Variants in SH2D4A observed in about 807,000 individuals in gnomAD.
SH2D4A encodes SH2 domain-containing protein 4A.
Under a neutral mutation model 64.7 loss-of-function variants are expected in SH2D4A, and 70 were observed. That is an observed-to-expected ratio of 1.08 (90% CI 0.89 to 1.32). SH2D4A has a LOEUF of 1.32. Among genes scored for constraint, SH2D4A ranks in the 40% most tolerant of loss-of-function variants. The pLI, the probability that SH2D4A is intolerant of heterozygous loss-of-function variation, is 0.00. For synonymous variants in SH2D4A, 268 were observed against 200.7 expected, an observed-to-expected ratio of 1.34 and a Z score of -2.83; for missense variants, 706 against 540.1, an observed-to-expected ratio of 1.31 and a Z score of -3.04.
At chr8:19,356,489 G>C (rs538240844) in intron 4 of SH2D4A, among the ~76,000 whole-genome samples, 1 of 152,294 alleles carries the variant, frequency 6.6e-6, no homozygotes, top group South Asian at 2.1e-4. Flanking sequence ...CTTAGCTTAG[G>C]CTCTGCACTC....
intron 8 of SH2D4A, 67 bp from the exon 9 acceptor site, chr8:19,393,251 G>T: frequency 6.9e-7 from 1 of 1,443,258 alleles, no homozygotes; most frequent in South Asian, 1.1e-5. Flanking sequence ...CATGCAGCTG[G>T]ATTTAACAGA....
intron 2 of SH2D4A, among the ~76,000 whole-genome samples, chr8:19,329,480 G>T (rs2052336907): frequency 6.6e-6 from 1 of 152,148 alleles, no homozygotes; most frequent in Non-Finnish European, 1.5e-5. Context: ...CTACTAGAAT[G>T]TTAGTCTCCT....
intron 8 of SH2D4A, among the ~76,000 whole-genome samples, chr8:19,385,220 T>A (rs753636090): frequency 6.6e-6 from 1 of 151,826 alleles, no homozygotes; most frequent in African/African-American, 2.4e-5. Flanking sequence ...TTTGTTTTTT[T>A]TTTTTTTGAG....
intron 2 of SH2D4A, among the ~76,000 whole-genome samples, chr8:19,326,727 G>A (rs980911802): frequency 1.1e-4 from 17 of 152,052 alleles, no homozygotes; most frequent in Admixed American, 2.0e-4. Flanking sequence ...TCGCACACAC[G>A]TCTTTTACTG....
At chr8:19,377,826 A>G (rs2053221698) in intron 8 of SH2D4A, among the ~76,000 whole-genome samples, 1 of 152,168 alleles carries the variant, frequency 6.6e-6, no homozygotes, top group Admixed American at 6.5e-5. Flanking sequence ...CAGAGTATAT[A>G]TCTAGAATCA....
At chr8:19,340,326 C>A (rs1020689208) in intron 4 of SH2D4A, among the ~76,000 whole-genome samples, 2 of 152,078 alleles carry the variant, frequency 1.3e-5, no homozygotes, top group African/African-American at 4.8e-5. Context: ...CAGTGATTAT[C>A]GAGCAAAGGG....
At chr8:19,323,847 T>C (rs1383638083) in intron 2 of SH2D4A, among the ~76,000 whole-genome samples, 1 of 152,224 alleles carries the variant, frequency 6.6e-6, no homozygotes, top group East Asian at 1.9e-4. Context: ...TAATCACAGC[T>C]AAGCCTGAAG....
intron 4 of SH2D4A, among the ~76,000 whole-genome samples, chr8:19,337,733 C>T (rs2052466150): frequency 6.6e-6 from 1 of 152,174 alleles, no homozygotes; most frequent in South Asian, 2.1e-4. Flanking sequence ...GGGAAATTCC[C>T]ATTTATAAAA....
chr8:19,383,958 G>C (rs1394822719), intron 8 of SH2D4A, among the ~76,000 whole-genome samples: 1 of 152,180 alleles, frequency 6.6e-6, no homozygotes, highest in Non-Finnish European at 1.5e-5. Flanking sequence ...TAAATCAGCT[G>C]ATATGTAAAG....
intron 3 of SH2D4A, among the ~76,000 whole-genome samples, chr8:19,333,866 A>T (rs1176860057): frequency 6.6e-6 from 1 of 152,180 alleles, no homozygotes; most frequent in Admixed American, 6.5e-5. Context: ...AGAGGGCTTA[A>T]CCAAGATCCC....
intron 9 of SH2D4A, 44 bp from the exon 10 acceptor site, chr8:19,394,506 G>GGTCACTACTTACA (rs1188445089): frequency 5.2e-6 from 7 of 1,341,738 alleles, no homozygotes; most frequent in Admixed American, 2.0e-5. Flanking sequence ...AAGAGCATGT[G>GGTCACTACTTACA]GTCACTACTT....
At chr8:19,358,671 T>A (rs2052831550) in intron 5 of SH2D4A, among the ~76,000 whole-genome samples, 1 of 152,148 alleles carries the variant, frequency 6.6e-6, no homozygotes, top group African/African-American at 2.4e-5. Flanking sequence ...TTGCTAAGCT[T>A]CTCTGTAGAA....
At chr8:19,388,960 G>T (rs17387732) in intron 8 of SH2D4A, among the ~76,000 whole-genome samples, 22,286 of 152,132 alleles carry the variant, frequency 0.15, 1,917 homozygotes, top group African/African-American at 0.23. Context: ...TGGATGGAGG[G>T]GAAAACTAGC....
At chr8:19,337,346 A>C (rs1355395118) in intron 4 of SH2D4A, among the ~76,000 whole-genome samples, 2 of 152,148 alleles carry the variant, frequency 1.3e-5, no homozygotes, top group Admixed American at 1.3e-4. Flanking sequence ...TAAGTTGTGT[A>C]TATGTCACTA....
At chr8:19,327,975 A>G (rs1450769397) in intron 2 of SH2D4A, among the ~76,000 whole-genome samples, 1 of 152,184 alleles carries the variant, frequency 6.6e-6, no homozygotes, top group African/African-American at 2.4e-5. Flanking sequence ...AGGGCTTGAC[A>G]CTGCCCTGTC....
chr8:19,366,123 C>T (rs773524136), intron 7 of SH2D4A, among the ~76,000 whole-genome samples: 1 of 151,904 alleles, frequency 6.6e-6, no homozygotes, highest in African/African-American at 2.4e-5. Context: ...AGTAGTTCAT[C>T]GAAACTTGAT....
intron 4 of SH2D4A, among the ~76,000 whole-genome samples, chr8:19,354,806 T>C (rs2052763808): frequency 6.6e-6 from 1 of 152,330 alleles, no homozygotes; most frequent in Non-Finnish European, 1.5e-5. Flanking sequence ...GACAACACTT[T>C]TGAATACATG....
chr8:19,356,975 G>A (rs1197290975), intron 4 of SH2D4A, among the ~76,000 whole-genome samples: 1 of 152,182 alleles, frequency 6.6e-6, no homozygotes, highest in African/African-American at 2.4e-5. Flanking sequence ...CCTCGCTCTT[G>A]GGCAACAATT....
At chr8:19,375,932 A>G (rs1339836147) in intron 8 of SH2D4A, among the ~76,000 whole-genome samples, 1 of 152,088 alleles carries the variant, frequency 6.6e-6, no homozygotes, top group East Asian at 1.9e-4. Flanking sequence ...TGCCTACTTG[A>G]TCTGCCCCTG....
Sources: gnomAD v4.1 joint callset for allele counts (sites outside exome capture counted in the v4.1 genomes callset) on GRCh38, gnomAD v4.1.1 for gene constraint, MANE v1.5 for transcripts, NCBI Gene and HGNC (gene_info 2026-07-23, HGNC 2026-07-21) for gene names.